Variants in YEATS2 observed in about 807,000 individuals in gnomAD.
The protein encoded by YEATS2 is YEATS domain containing 2.
A neutral mutation model predicts 163.2 loss-of-function variants in YEATS2; 77 were observed. That is an observed-to-expected ratio of 0.47 (90% CI 0.39 to 0.57). The LOEUF (loss-of-function observed/expected upper bound fraction) is 0.57. Among genes scored for constraint, YEATS2 ranks in the 20% least tolerant of loss-of-function variants. The probability of loss-of-function intolerance (pLI) is 0.00; values close to 1 mark genes in which losing one functional copy is unlikely to be tolerated. For missense variants in YEATS2, 1,549 were observed against 1,729.8 expected (o/e 0.90, Z 1.85); for synonymous variants, 631 against 645.1 (o/e 0.98, Z 0.33).
intron 18 of YEATS2, among the ~76,000 whole-genome samples, chr3:183,777,169 G>C (rs76806152): frequency 0.028 from 4,314 of 152,242 alleles, 206 homozygotes; most frequent in African/African-American, 0.097. Context: ...TTTCCTCCTC[G>C]TCTCCTCTTG....
chr3:183,722,217 G>T, intron 5 of YEATS2, 81 bp downstream of exon 5: 1 of 1,421,034 alleles, frequency 7.0e-7, no homozygotes, highest in Non-Finnish European at 9.4e-7. Flanking sequence ...TTATCTCACT[G>T]AACTGTCACA....
intron 15 of YEATS2, among the ~76,000 whole-genome samples, chr3:183,769,192 A>T (rs927237649): frequency 6.6e-6 from 1 of 152,198 alleles, no homozygotes; most frequent in Non-Finnish European, 1.5e-5. Flanking sequence ...AGTTTTAACA[A>T]TTACCAGCAT....
chr3:183,770,394 AAAAAAC>A (rs1184814159), intron 15 of YEATS2, among the ~76,000 whole-genome samples: 1 of 152,162 alleles, frequency 6.6e-6, no homozygotes, highest in Non-Finnish European at 1.5e-5. Context: ...ACAAAAAACA[AAAAAAC>A]AAAAATTTCC....
intron 15 of YEATS2, among the ~76,000 whole-genome samples, chr3:183,764,977 GT>G (rs1721757401): frequency 6.6e-6 from 1 of 152,174 alleles, no homozygotes; most frequent in South Asian, 2.1e-4. Context: ...GGGAATCTGG[GT>G]TTTTAATAAG....
chr3:183,759,776 G>A (rs76571519), intron 13 of YEATS2, among the ~76,000 whole-genome samples: 2,670 of 152,256 alleles, frequency 0.018, 80 homozygotes, highest in African/African-American at 0.061. Flanking sequence ...CCCACCATAC[G>A]GTGAAAGTGT....
Position 183,798,020 on chromosome 3 carries a change from G to A in YEATS2, c.3195G>A (p.Gly1065=). The change falls in exon 22 of 31, where the codon GGG becomes GGA. Residue 1065 remains glycine (G), a synonymous_variant. Transcript: ENST00000305135. ...LKPLSVNTSG[G]VQTILMPVNK... ...CACTCAGCGTAAACACATCTGGAGG[G>A]GTGCAGACGATCCTGATGCCTGTGA... The A allele has an allele frequency of 6.2e-7, 1 of 1,614,084 alleles. No individual in the cohort carries two copies. The highest frequency in any genetic ancestry group is 8.5e-7 in the Non-Finnish European group (1 of 1,179,966).
At chr3:183,778,111 C>CAAAAAAAAAAAAAAAAAAA (rs569250141) in intron 19 of YEATS2, among the ~76,000 whole-genome samples, 2 of 56,328 alleles carry the variant, frequency 3.6e-5, no homozygotes, top group Non-Finnish European at 7.2e-5. Context: ...GATTCTGTCT[C>CAAAAAAAAAAAAAAAAAAA]AAAAAAAAAA....
At chr3:183,775,795 A>C in intron 17 of YEATS2, 120 bp from the exon 18 acceptor site, 1 of 1,473,860 alleles carries the variant, frequency 6.8e-7, no homozygotes, top group East Asian at 2.3e-5. Context: ...GACGGAGGAA[A>C]ATGGGAAAGA....
chr3:183,807,513 G>GC, intron 28 of YEATS2: 1 of 241,236 alleles, frequency 4.1e-6, no homozygotes, highest in Non-Finnish European at 8.2e-6. Context: ...GCTCCTGAGT[G>GC]CCCCGCCTGT....
intron 15 of YEATS2, among the ~76,000 whole-genome samples, chr3:183,765,506 T>C (rs532222354): frequency 5.3e-5 from 8 of 152,106 alleles, no homozygotes; most frequent in African/African-American, 1.9e-4. Flanking sequence ...CACAGCAAAG[T>C]GTGAAGGAAC....
chr3:183,803,410 A>G, intron 26 of YEATS2, 75 bp downstream of exon 26: 1 of 1,359,300 alleles, frequency 7.4e-7, no homozygotes, highest in Non-Finnish European at 1.0e-6. Context: ...AGATTGCAGC[A>G]TATTTGGTTG....
chr3:183,706,229 C>G (rs930683839), intron 1 of YEATS2, among the ~76,000 whole-genome samples: 1 of 151,596 alleles, frequency 6.6e-6, no homozygotes, highest in Admixed American at 6.6e-5. Flanking sequence ...ATAGAAGGAG[C>G]CATGATTCCA....
chr3:183,779,761 G>A (rs376063132), intron 19 of YEATS2, among the ~76,000 whole-genome samples: 1 of 151,846 alleles, frequency 6.6e-6, no homozygotes, highest in Non-Finnish European at 1.5e-5. Flanking sequence ...GCAGTGGCAC[G>A]ATCTCGGCTC....
Position 183,782,612 on chromosome 3 carries a change from CAG to C in YEATS2, c.2737-3512_2737-3511del, listed in dbSNP as rs1242765194. On this transcript the variant is annotated intron_variant, in intron 19 of 30. Transcript: ENST00000305135. ...CTAATTTTTGTATTTTTCGTAGAGA[CAG>C]GGTTTCACCATGTGGGCCAGGCTGG... Among the ~76,000 whole-genome samples the C allele has an allele frequency of 6.6e-5, 10 of 152,044 alleles. No homozygotes were observed. The South Asian group carries it at 2.1e-3, about 32-fold the overall frequency.
chr3:183,762,480 G>T (rs544489739), intron 15 of YEATS2, among the ~76,000 whole-genome samples: 1 of 152,348 alleles, frequency 6.6e-6, no homozygotes, highest in South Asian at 2.1e-4. Context: ...GCCGCGTTAT[G>T]TATTGCAAAG....
intron 21 of YEATS2, among the ~76,000 whole-genome samples, chr3:183,796,294 G>A (rs1164314697): frequency 2.0e-5 from 3 of 151,372 alleles, no homozygotes; most frequent in East Asian, 1.9e-4. Context: ...CACCGCACCC[G>A]ACCACTGTTT....
intron 5 of YEATS2, among the ~76,000 whole-genome samples, chr3:183,723,899 G>A (rs1429047128): frequency 6.6e-6 from 1 of 152,114 alleles, no homozygotes; most frequent in East Asian, 1.9e-4. Flanking sequence ...TTGACAGAGC[G>A]AGATTCTGTC....
At chr3:183,798,835 C>G in intron 22 of YEATS2, 56 bp from the exon 23 acceptor site, 1 of 1,369,728 alleles carries the variant, frequency 7.3e-7, no homozygotes, top group Non-Finnish European at 1.0e-6. Flanking sequence ...GTAGATCACC[C>G]TCATTAAAAA....
At chr3:183,803,871 T>A (rs1213969146) in intron 26 of YEATS2, 116 bp from the exon 27 acceptor site, 350 of 917,340 alleles carry the variant, frequency 3.8e-4, no homozygotes, top group East Asian at 1.2e-3. Flanking sequence ...TTTTTTTCTT[T>A]AAAAAAAAAA....
Sources: gnomAD v4.1 joint callset for allele counts (sites outside exome capture counted in the v4.1 genomes callset) on GRCh38, gnomAD v4.1.1 for gene constraint, MANE v1.5 for transcripts, NCBI Gene and HGNC (gene_info 2026-07-23, HGNC 2026-07-21) for gene names.